Variants in BMAL2 observed in about 807,000 individuals in gnomAD.
BMAL2 encodes the protein basic helix-loop-helix ARNT like 2.
chr12:27,423,864 C>T, the BMAL2 span: 1 of 152,124 alleles, frequency 6.6e-6, no homozygotes, highest in Admixed American at 6.5e-5. Context: ...TAGGGTGGAA[C>T]CTAGAACTGT....
the BMAL2 span, chr12:27,380,187 C>T: frequency 9.1e-6 from 14 of 1,544,952 alleles, no homozygotes; most frequent in African/African-American, 4.1e-5. Flanking sequence ...GTGAGCAACA[C>T]GGGGGTGACT....
chr12:27,396,461 T>C, the BMAL2 span, among the ~76,000 whole-genome samples: 1 of 152,202 alleles, frequency 6.6e-6, no homozygotes, highest in East Asian at 1.9e-4. Flanking sequence ...TAAAGTCACA[T>C]ATAGAGTGAC....
chr12:27,358,678 G>A, the BMAL2 span, among the ~76,000 whole-genome samples: 6 of 152,190 alleles, frequency 3.9e-5, no homozygotes, highest in African/African-American at 1.2e-4. Flanking sequence ...TGTTCTTGCA[G>A]CACAAACTTG....
the BMAL2 span, among the ~76,000 whole-genome samples, chr12:27,344,997 C>T: frequency 3.9e-5 from 6 of 152,206 alleles, no homozygotes; most frequent in Admixed American, 3.9e-4. Context: ...ATTTTCATCA[C>T]TCTCTTGGTC....
the BMAL2 span, among the ~76,000 whole-genome samples, chr12:27,406,208 G>T: frequency 9.2e-3 from 1,396 of 152,246 alleles, 10 homozygotes; most frequent in Middle Eastern, 0.031. Flanking sequence ...ATCTAGCAAG[G>T]CAGGCCAACA....
the BMAL2 span, among the ~76,000 whole-genome samples, chr12:27,343,165 T>A: frequency 6.6e-6 from 1 of 152,272 alleles, no homozygotes; most frequent in Non-Finnish European, 1.5e-5. Flanking sequence ...TAAATATCAC[T>A]TTGGGTTTTA....
At chr12:27,380,496 G>A in the BMAL2 span, 1 of 1,380,790 alleles carries the variant, frequency 7.2e-7, no homozygotes, top group South Asian at 1.3e-5. Context: ...CAGCTGTTGA[G>A]GTTCTATCCA....
At chr12:27,392,017 C>T in the BMAL2 span, among the ~76,000 whole-genome samples, 1 of 152,122 alleles carries the variant, frequency 6.6e-6, no homozygotes, top group East Asian at 1.9e-4. Context: ...TGATCGTAAG[C>T]AAGTTTCTTA....
chr12:27,349,682 T>C, the BMAL2 span, among the ~76,000 whole-genome samples: 8 of 152,226 alleles, frequency 5.3e-5, no homozygotes, highest in Non-Finnish European at 7.3e-5. Flanking sequence ...CTACTGAATA[T>C]CTGCCCAACA....
chr12:27,357,758 G>A, the BMAL2 span, among the ~76,000 whole-genome samples: 3 of 152,106 alleles, frequency 2.0e-5, no homozygotes, highest in African/African-American at 7.2e-5. Flanking sequence ...AACATAAAGT[G>A]GGGAAAGGAC....
the BMAL2 span, among the ~76,000 whole-genome samples, chr12:27,407,212 G>A: frequency 1.3e-5 from 2 of 152,118 alleles, no homozygotes; most frequent in Non-Finnish European, 2.9e-5. Context: ...AGGATATCCA[G>A]GAACTGAACT....
chr12:27,404,742 TGGACAGTGGGTGCA>T, the BMAL2 span, among the ~76,000 whole-genome samples: 2 of 152,162 alleles, frequency 1.3e-5, no homozygotes, highest in African/African-American at 2.4e-5. Flanking sequence ...TGGGGATTGT[TGGACAGTGGGTGCA>T]GGACAGTGGG....
At chr12:27,408,283 A>G in the BMAL2 span, among the ~76,000 whole-genome samples, 1 of 152,220 alleles carries the variant, frequency 6.6e-6, no homozygotes, top group Non-Finnish European at 1.5e-5. Flanking sequence ...TGGCAGAGAC[A>G]CAACAAAAAA....
the BMAL2 span, among the ~76,000 whole-genome samples, chr12:27,382,126 T>G: frequency 6.6e-6 from 1 of 152,204 alleles, no homozygotes; most frequent in African/African-American, 2.4e-5. Context: ...TAAGCTTCTC[T>G]TTTACCCACA....
chr12:27,382,387 G>T, the BMAL2 span, among the ~76,000 whole-genome samples: 67 of 152,286 alleles, frequency 4.4e-4, no homozygotes, highest in African/African-American at 1.4e-3. Flanking sequence ...GCCCTTTAAG[G>T]GTTTGTGGTC....
At chr12:27,386,722 C>T in the BMAL2 span, among the ~76,000 whole-genome samples, 13 of 152,202 alleles carry the variant, frequency 8.5e-5, no homozygotes, top group Middle Eastern at 6.8e-3. Context: ...CTCCACCTCC[C>T]GGGCTCAAGC....
chr12:27,396,625 G>T, the BMAL2 span, among the ~76,000 whole-genome samples: 1 of 152,208 alleles, frequency 6.6e-6, no homozygotes, highest in Non-Finnish European at 1.5e-5. Context: ...ATGTGTTCCT[G>T]CCCACACCAG....
chr12:27,365,439 T>C, the BMAL2 span, among the ~76,000 whole-genome samples: 9 of 152,076 alleles, frequency 5.9e-5, no homozygotes, highest in Non-Finnish European at 1.2e-4. Flanking sequence ...ATTTTCCTTT[T>C]GTACTGTCCT....
chr12:27,401,301 C>T, the BMAL2 span: 1 of 1,614,108 alleles, frequency 6.2e-7, no homozygotes, highest in Admixed American at 1.7e-5. Flanking sequence ...CTTTTGGGAA[C>T]TTCTTGTTAT....
Sources: allele counts gnomAD v4.1 joint callset (sites outside exome capture counted in the v4.1 genomes callset), GRCh38; gene constraint gnomAD v4.1.1; transcripts MANE v1.5; gene names NCBI Gene and HGNC (gene_info 2026-07-23, HGNC 2026-07-21).